SYNE1: variants seen among roughly 807,000 people sequenced by gnomAD.
SYNE1 encodes nesprin-1.
SYNE1 carries 616 observed loss-of-function variants against 1,111.0 expected under a neutral mutation model. The observed-to-expected ratio is 0.55, with a 90% CI of 0.52 to 0.59. The LOEUF is 0.59. Ranked by LOEUF, SYNE1 falls within the 20% of genes least tolerant of loss-of-function variation. The probability of loss-of-function intolerance (pLI) is 0.00; values close to 1 mark genes in which losing one functional copy is unlikely to be tolerated. For missense variants in SYNE1, 10,006 were observed against 10,417.0 expected (o/e 0.96, Z 1.72); for synonymous variants, 3,855 against 3,825.8 (o/e 1.01, Z -0.28).
chr6:152,236,619 C>T (rs1225882020), intron 109 of SYNE1, among the ~76,000 whole-genome samples, 198 bp downstream of exon 109: 5 of 151,340 alleles, frequency 3.3e-5, no homozygotes. Flanking sequence ...TCAAAAAGAG[C>T]TCTCAGTAAA....
chr6:152,629,646 G>C (rs941890232), intron 2 of SYNE1, among the ~76,000 whole-genome samples: 1 of 151,588 alleles, frequency 6.6e-6, no homozygotes, highest in Non-Finnish European at 1.5e-5. Flanking sequence ...CCTAACCCTA[G>C]GTTTAGCTGA....
intron 129 of SYNE1, 55 bp from the exon 130 acceptor site, chr6:152,176,615 G>A: frequency 6.5e-7 from 1 of 1,536,276 alleles, no homozygotes; most frequent in Non-Finnish European, 9.0e-7. Context: ...AATACATCCA[G>A]CCCAGCTCTA....
chr6:152,456,322 G>C (rs1488282174), intron 22 of SYNE1, among the ~76,000 whole-genome samples: 1 of 151,492 alleles, frequency 6.6e-6, no homozygotes, highest in Admixed American at 6.6e-5. Flanking sequence ...TTGTCATTAA[G>C]AAAATGATAG....
intron 24 of SYNE1, among the ~76,000 whole-genome samples, chr6:152,454,302 T>C (rs1464127499): frequency 6.6e-6 from 1 of 152,206 alleles, no homozygotes; most frequent in Non-Finnish European, 1.5e-5. Context: ...TATTTGGAGA[T>C]GGGAACTTTG....
chr6:152,321,956 A>G (rs1316397342), intron 82 of SYNE1, 70 bp from the exon 83 acceptor site: 5 of 1,545,852 alleles, frequency 3.2e-6, no homozygotes, highest in East Asian at 2.2e-5. Context: ...GCAACATTTT[A>G]TCCAATACAT....
intron 16 of SYNE1, among the ~76,000 whole-genome samples, chr6:152,467,999 C>A (rs1473859238): frequency 3.3e-5 from 5 of 152,050 alleles, no homozygotes. Context: ...TAACAAGATT[C>A]ATTTATTTCT....
chr6:152,122,473 G>C lies in SYNE1; in HGVS notation c.26357C>G (p.Pro8786Arg). The C allele has an allele frequency of 6.2e-7, 1 of 1,614,162 alleles. No individual in the cohort carries two copies. The highest frequency in any genetic ancestry group is 8.5e-7 in the Non-Finnish European group (1 of 1,180,034). ...AGGGCCATTCGTGTATCTGAGCATG[G>C]GGTGGAATGACCGGGCAAAGTTGTT... ...LSNNFARSFHPMLRYTNGPPP... is the reference protein window; with the variant it reads ...LSNNFARSFHRMLRYTNGPPP... The change falls in exon 146 of 146, where the codon CCC becomes CGC. Residue 8786 changes from proline to arginine, a missense_variant. By Grantham distance (103) the Pro-to-Arg change is moderately radical. This residue lies in a region of SYNE1 where 761 missense variants were observed against 795.5 expected (regional missense o/e 0.96). Transcript: ENST00000367255.
chr6:152,174,980 G>A (rs921090275), intron 130 of SYNE1, among the ~76,000 whole-genome samples: 8 of 152,218 alleles, frequency 5.3e-5, no homozygotes, highest in African/African-American at 1.9e-4. Flanking sequence ...GCTCACCTGA[G>A]GTCAGGAGTT....
chr6:152,510,159 C>T (rs917581687), intron 8 of SYNE1, 34 bp downstream of exon 8: 4 of 1,600,356 alleles, frequency 2.5e-6, no homozygotes, highest in East Asian at 2.2e-5. Context: ...CTCAATTTAA[C>T]GGTTTCAAAT....
chr6:152,180,861 G>A (rs1199700697), intron 128 of SYNE1, among the ~76,000 whole-genome samples: 1 of 152,004 alleles, frequency 6.6e-6, no homozygotes, highest in African/African-American at 2.4e-5. Context: ...ATACTGACAC[G>A]TGGACTCCAG....
At chr6:152,393,913 G>T (rs905848044) in intron 51 of SYNE1, among the ~76,000 whole-genome samples, 1 of 152,142 alleles carries the variant, frequency 6.6e-6, no homozygotes, top group Non-Finnish European at 1.5e-5. Flanking sequence ...TGCCATGGTG[G>T]TTTGCTGCAC....
At position 152,156,089 on chromosome 6, in the gene SYNE1, C is replaced by G; in HGVS notation, c.23799G>C (p.Gln7933His). 6.2e-7 allele frequency: 1 copy of G among 1,614,180 alleles called. No homozygotes were observed. The highest frequency in any genetic ancestry group is 8.5e-7 in the Non-Finnish European group (1 of 1,180,032). Residue 7933 changes from glutamine to histidine, a missense_variant, in exon 132 of 146, where the codon CAG becomes CAC. By Grantham distance (24) the Gln-to-His change is conservative (BLOSUM62 0). Around this residue, in one of 7 missense-constraint regions of SYNE1, gnomAD observed 2,182 missense variants for 2,287.8 expected, o/e 0.95. Transcript: ENST00000367255. ...QRKLNEQQEL[Q>H]RDIEKHSTGV... The stretch of plus-strand genomic sequence containing the variant: ...CTGTACTGTGCTTCTCTATGTCTCT[C>G]TGAAGCTCCTGCAGGGGAACGTAAC...
rs867516208 is a variant in SYNE1 at position 152,312,278 on chromosome 6, C to T, written c.16711-1405G>A. On this transcript the variant is annotated intron_variant, in intron 87 of 145. Transcript: ENST00000367255. ...AGGCTGGAGTGCAATGGCGTGATCT[C>T]GGCTCACTGCAACCTGCATCTCCTG... Among the ~76,000 whole-genome samples the T allele has an allele frequency of 3.9e-4, 57 of 148,010 alleles. No individual in the cohort carries two copies. In the Middle Eastern group the frequency reaches 0.011, roughly 28 times the overall value.
intron 61 of SYNE1, 197 bp from the exon 62 acceptor site, chr6:152,367,579 C>CAA (rs144983233): frequency 1.3e-4 from 70 of 548,946 alleles, no homozygotes; most frequent in African/African-American, 1.2e-3. Context: ...GGGTCAAAAG[C>CAA]AAAAAAAAAA....
intron 101 of SYNE1, among the ~76,000 whole-genome samples, chr6:152,261,417 C>T (rs901849343): frequency 1.3e-5 from 2 of 152,156 alleles, no homozygotes; most frequent in Non-Finnish European, 2.9e-5. Context: ...TATCTGGAAC[C>T]ATCTGTTGCT....
chr6:152,191,085 G>A (rs926563695), intron 127 of SYNE1, among the ~76,000 whole-genome samples: 5 of 152,190 alleles, frequency 3.3e-5, no homozygotes, highest in Non-Finnish European at 7.4e-5. Context: ...ATTAATTTGA[G>A]AATGTTCAAC....
intron 131 of SYNE1, 151 bp downstream of exon 131, chr6:152,164,012 C>G (rs1015993474): frequency 5.6e-5 from 58 of 1,033,080 alleles, no homozygotes; most frequent in Non-Finnish European, 6.6e-5. Context: ...CCTCAATCGC[C>G]TGCCTAGGCA....
intron 10 of SYNE1, among the ~76,000 whole-genome samples, chr6:152,501,854 G>A (rs1354815747): frequency 4.6e-5 from 7 of 151,928 alleles, no homozygotes; most frequent in Admixed American, 4.6e-4. Context: ...ATAAATTAAT[G>A]TACATACATA....
rs547326843 is a variant in SYNE1 at position 152,270,697 on chromosome 6, G to A, written c.18574-1411C>T. 1.2e-4 allele frequency among the ~76,000 whole-genome samples: 18 copies of A among 152,274 alleles called. No homozygotes were observed. In the South Asian group the frequency reaches 3.7e-3, roughly 32 times the overall value. The stretch of plus-strand genomic sequence containing the variant: ...CTGTTCTAGAAGCTGGGAGTGTTTT[G>A]GAAGCCAGATGAGGGCCCTGGTGGG... On this transcript the variant is annotated intron_variant, in intron 98 of 145. Transcript: ENST00000367255.
Sources: allele counts gnomAD v4.1 joint callset (sites outside exome capture counted in the v4.1 genomes callset), GRCh38; gene constraint gnomAD v4.1.1; regional missense constraint gnomAD v4.1.1; transcripts MANE v1.5; gene names NCBI Gene and HGNC (gene_info 2026-07-23, HGNC 2026-07-21).